The following FAM186A variants were observed in gnomAD, a reference collection of about 807,000 sequenced individuals.
The protein encoded by FAM186A is protein FAM186A.
In FAM186A, 163 loss-of-function variants were observed where a neutral mutation model predicts 216.8. The ratio of observed to expected loss-of-function variants is 0.75; its 90% confidence interval spans 0.66 to 0.86. The LOEUF (loss-of-function observed/expected upper bound fraction) is 0.86, where lower values mean the gene tolerates loss of function less well. FAM186A is among the 40% of genes least tolerant of loss of function. The pLI is 0.00. For missense variants in FAM186A, 2,184 were observed against 2,746.2 expected, an observed-to-expected ratio of 0.80 and a Z score of 4.58; for synonymous variants, 805 against 1,025.3, an observed-to-expected ratio of 0.79 and a Z score of 4.10.
chr12:50,382,421 C>T (rs1347276627), intron 1 of FAM186A, among the ~76,000 whole-genome samples: 1 of 151,862 alleles, frequency 6.6e-6, no homozygotes, highest in East Asian at 1.9e-4. Flanking sequence ...TATATATGAC[C>T]AGGCACAATG....
intron 4 of FAM186A, among the ~76,000 whole-genome samples, chr12:50,347,478 C>A (rs376394816): frequency 2.0e-5 from 3 of 152,108 alleles, no homozygotes; most frequent in Admixed American, 1.3e-4. Context: ...CACCTGTAAT[C>A]CCAGCACTTT....
In FAM186A at chr12:50,355,611, A is replaced by G. The variant is rs778229510; in HGVS notation, c.1221T>C (p.Tyr407=). ...SGIKWDSTIS[Y]TAQAERTPDL... is the part of the protein sequence containing the mutation. ...CTGGAGTTCTTTCAGCTTGGGCTGT[A>G]TATGAAATAGTGGAGTCCCATTTTA... Residue 407 remains tyrosine, a synonymous_variant, in exon 4 of 8, where the codon TAT becomes TAC. Coordinates refer to ENST00000327337, the MANE Select transcript of FAM186A (RefSeq NM_001145475.3). The G allele has an allele frequency of 9.0e-6, 14 of 1,551,522 alleles. No individual in the cohort carries two copies. Among genetic ancestry groups the G allele is most frequent in the Non-Finnish European group, 1.1e-5 (13 of 1,146,994 alleles).
chr12:50,371,777 ATAAT>A (rs1943144123), intron 1 of FAM186A, among the ~76,000 whole-genome samples: 1 of 152,304 alleles, frequency 6.6e-6, no homozygotes, highest in East Asian at 1.9e-4. Context: ...ATACTTAAAA[ATAAT>A]TAAGGCAGTA....
chr12:50,360,511 C>A (rs1234127522), intron 3 of FAM186A, among the ~76,000 whole-genome samples: 1 of 151,560 alleles, frequency 6.6e-6, no homozygotes, highest in Non-Finnish European at 1.5e-5. Flanking sequence ...ATGGTGAAAC[C>A]CTGTCTCTAC....
rs761860927 is a variant in FAM186A, at chr12:50,360,766, C to A, written c.573G>T (p.Lys191Asn). 6.6e-7 allele frequency: 1 copy of A among 1,524,622 alleles called. No homozygotes were observed. The highest frequency in any genetic ancestry group is 1.3e-5 in the South Asian group (1 of 78,678). The allele number at this position is 1,524,622 out of a possible 1,614,324, so 94.4% of individuals were successfully genotyped here. A position where few individuals can be genotyped will look rare whatever the true frequency, so the allele number is the denominator to read the frequency against. The stretch of plus-strand genomic sequence containing the variant: ...ATAAAGCACCCTTACATATTTTTTT[C>A]TTTTGTTTCTTCTTTTCGTCGAGGA... ...TSFLDEKKKQ[K>N]KKILSRGTLW... Residue 191 changes from lysine (K) to asparagine (N), a missense_variant, in exon 3 of 8, where the codon AAG becomes AAT. Coordinates refer to ENST00000327337, the MANE Select transcript of FAM186A (RefSeq NM_001145475.3).
At chr12:50,388,662 A>G (rs565273748) in intron 1 of FAM186A, among the ~76,000 whole-genome samples, 4 of 152,214 alleles carry the variant, frequency 2.6e-5, no homozygotes, top group African/African-American at 9.6e-5. Context: ...CTGTCAACTA[A>G]GTGACAGTTG....
At chr12:50,341,022 C>G (rs1942757967) in intron 4 of FAM186A, among the ~76,000 whole-genome samples, 1 of 152,106 alleles carries the variant, frequency 6.6e-6, no homozygotes, top group African/African-American at 2.4e-5. Flanking sequence ...TTCTCAAACT[C>G]CTGACCTCAG....
intron 3 of FAM186A, among the ~76,000 whole-genome samples, chr12:50,357,516 A>AAAAAG (rs1555216836): frequency 4.9e-5 from 7 of 142,396 alleles, no homozygotes; most frequent in Admixed American, 1.4e-4. Context: ...AAAAAAAAAA[A>AAAAAG]AAGACACACA....
chr12:50,351,846 A>T lies in FAM186A; in HGVS notation c.4986T>A (p.Thr1662=). ...TPVNAWVSAV[T]LTSEQTHALE... ...AAGCGTGGGTTTGCTCAGAGGTAAG[A>T]GTGACAGCTGACACCCAGGCATTTA... is the stretch of plus-strand genomic sequence containing the variant. The change falls in exon 4 of 8, where the codon ACT becomes ACA. Residue 1662 remains threonine, a synonymous_variant. Transcript: ENST00000327337. 6.5e-7 allele frequency: 1 copy of T among 1,544,668 alleles called. No homozygotes were observed. The highest frequency in any genetic ancestry group is 8.7e-7 in the Non-Finnish European group (1 of 1,143,354).
At chr12:50,348,471 C>A (rs191036070) in intron 4 of FAM186A, among the ~76,000 whole-genome samples, 8 of 152,142 alleles carry the variant, frequency 5.3e-5, no homozygotes, top group Non-Finnish European at 1.0e-4. Flanking sequence ...AACCCACCTG[C>A]CTTGGCATCC....
Position 50,351,147 on chromosome 12 carries a change from C to T in FAM186A, c.5685G>A (p.Glu1895=), listed in dbSNP as rs1165995874. 2 of 1,551,422 alleles carry T rather than the reference C, an allele frequency of 1.3e-6. No individual in the cohort carries two copies. Among genetic ancestry groups the T allele is most frequent in the Admixed American group, 3.9e-5 (2 of 50,956 alleles). Residue 1895 remains glutamate, a synonymous_variant, in exon 4 of 8, where the codon GAG becomes GAA. Coordinates refer to ENST00000327337, the MANE Select transcript of FAM186A (RefSeq NM_001145475.3). The part of the protein sequence containing the change: ...LQEFQPPATA[E]QSPYLQAPST... The stretch of plus-strand genomic sequence containing the variant: ...AAGGAGCCTGCAGATAGGGAGATTG[C>T]TCAGCAGTGGCAGGAGGCTGGAATT...
At chr12:50,387,960 C>G in intron 1 of FAM186A, among the ~76,000 whole-genome samples, 1 of 152,178 alleles carries the variant, frequency 6.6e-6, no homozygotes, top group Admixed American at 6.5e-5. Flanking sequence ...ACTCCTATAT[C>G]ACTTTCATAT....
chr12:50,386,966 A>G (rs1387610769), intron 1 of FAM186A, among the ~76,000 whole-genome samples: 1 of 151,092 alleles, frequency 6.6e-6, no homozygotes, highest in Non-Finnish European at 1.5e-5. Flanking sequence ...ATTTTTTTCT[A>G]TTCAGCAAAA....
intron 2 of FAM186A, among the ~76,000 whole-genome samples, chr12:50,361,526 T>A (rs997422561): frequency 6.7e-6 from 1 of 149,116 alleles, no homozygotes; most frequent in Non-Finnish European, 1.5e-5. Flanking sequence ...ATATTGGAGA[T>A]CTAAGCCCCA....
intron 2 of FAM186A, 64 bp downstream of exon 2, chr12:50,363,081 A>T: frequency 7.6e-7 from 1 of 1,310,818 alleles, no homozygotes; most frequent in Non-Finnish European, 1.0e-6. Context: ...AAATTTACTT[A>T]TATATTCTCT....
intron 1 of FAM186A, among the ~76,000 whole-genome samples, chr12:50,380,205 G>C (rs182177461): frequency 6.6e-6 from 1 of 152,172 alleles, no homozygotes; most frequent in East Asian, 1.9e-4. Context: ...AAGATAAATA[G>C]GTAGCAACTT....
chr12:50,365,976 C>G (rs1206634886), intron 1 of FAM186A: 4 of 767,432 alleles, frequency 5.2e-6, no homozygotes, highest in Non-Finnish European at 9.5e-6. Flanking sequence ...TATCACTAGG[C>G]TAAAACTGGA....
At chr12:50,375,937 C>G (rs1943193634) in intron 1 of FAM186A, among the ~76,000 whole-genome samples, 1 of 151,908 alleles carries the variant, frequency 6.6e-6, no homozygotes, top group African/African-American at 2.4e-5. Flanking sequence ...CAAGGGTGAG[C>G]CAGGCATGGA....
intron 4 of FAM186A, among the ~76,000 whole-genome samples, chr12:50,338,618 G>A (rs989310584): frequency 1.3e-5 from 2 of 152,158 alleles, no homozygotes; most frequent in African/African-American, 4.8e-5. Context: ...CTATGTTTAA[G>A]AGAAAGCATG....
Sources: gnomAD v4.1 joint callset for allele counts (sites outside exome capture counted in the v4.1 genomes callset) on GRCh38, gnomAD v4.1.1 for gene constraint, MANE v1.5 for transcripts, NCBI Gene and HGNC (gene_info 2026-07-23, HGNC 2026-07-21) for gene names.